Variants in F8 observed in about 807,000 individuals in gnomAD.
The protein encoded by F8 is antihemophilic factor.
Under a neutral mutation model 140.6 loss-of-function variants are expected in F8, and 12 were observed. That is an observed-to-expected ratio of 0.09 (90% CI 0.05 to 0.14). The LOEUF is 0.14. F8 is among the 10% of genes least tolerant of loss of function. F8 has a pLI of 1.00. For synonymous variants in F8, 585 were observed against 614.6 expected (o/e 0.95, Z 0.71); for missense variants, 1,354 against 1,720.7 (o/e 0.79, Z 3.77).
chrX:154,892,541 A>G (rs2072951027), intron 22 of F8, among the ~76,000 whole-genome samples: 1 of 112,493 alleles, frequency 8.9e-6, no homozygotes, highest in African/African-American at 3.2e-5. Flanking sequence ...CTTGGCAAAT[A>G]TGTTATCTCT....
intron 1 of F8, among the ~76,000 whole-genome samples, chrX:155,021,999 C>T (rs781881646): frequency 8.9e-6 from 1 of 111,965 alleles, no homozygotes; most frequent in African/African-American, 3.2e-5. Flanking sequence ...TAAAAACACA[C>T]ATTGCATGTA....
At chrX:154,890,831 A>C (rs1402558765) in intron 22 of F8, among the ~76,000 whole-genome samples, 1 of 112,419 alleles carries the variant, frequency 8.9e-6, no homozygotes, top group Non-Finnish European at 1.9e-5. Context: ...TCCTACATTA[A>C]ATAAGCTATT....
rs2072764652 is a variant in F8 at position 154,870,474 on chromosome X, A to T, written c.6430-7247T>A. ...ATGATTATCTCAATAGATGCAGAAAAGGCCTTCGATAAAATTCAACACCCC... is the reference window on the plus strand; with the variant it reads ...ATGATTATCTCAATAGATGCAGAAATGGCCTTCGATAAAATTCAACACCCC... On this transcript the variant is annotated intron_variant, in intron 22 of 25. Transcript: ENST00000360256. 3.6e-5 allele frequency among the ~76,000 whole-genome samples: 4 copies of T among 112,089 alleles called. No individual in the cohort carries two copies. In the Admixed American group the frequency reaches 3.8e-4, roughly 11 times the overall value.
intron 14 of F8, among the ~76,000 whole-genome samples, chrX:154,911,871 T>G (rs28895719): frequency 0.32 from 35,452 of 111,367 alleles, 4,526 homozygotes; most frequent in African/African-American, 0.48. Context: ...GCATTCATTA[T>G]TTTTTGTCTT....
chrX:154,976,670 C>T (rs782428225), intron 6 of F8, among the ~76,000 whole-genome samples: 5 of 105,622 alleles, frequency 4.7e-5, no homozygotes, highest in South Asian at 8.7e-4. Context: ...TGAGAATATG[C>T]GGTCCAAATG....
At chrX:154,914,423 CT>C (rs1254591497) in intron 14 of F8, among the ~76,000 whole-genome samples, 1 of 112,489 alleles carries the variant, frequency 8.9e-6, no homozygotes, top group Non-Finnish European at 1.9e-5. Context: ...ATGGGTTTGT[CT>C]TTTCTACTGC....
intron 25 of F8, among the ~76,000 whole-genome samples, chrX:154,857,423 C>A (rs921179824): frequency 8.9e-6 from 1 of 112,117 alleles, no homozygotes; most frequent in Non-Finnish European, 1.9e-5. Flanking sequence ...TCTCTCCCAG[C>A]CTGCACTTAT....
intron 10 of F8, among the ~76,000 whole-genome samples, chrX:154,957,881 CAAA>C (rs1398376293): frequency 9.0e-5 from 4 of 44,368 alleles, no homozygotes; most frequent in Admixed American, 2.6e-4. Context: ...ACTCTGTCTC[CAAA>C]AAAAAAAAAA....
At chrX:154,868,077 T>C (rs1404159780) in intron 22 of F8, among the ~76,000 whole-genome samples, 2 of 112,162 alleles carry the variant, frequency 1.8e-5, no homozygotes, top group Non-Finnish European at 3.8e-5. Context: ...ACAGCTGATA[T>C]CATAACCAAA....
chrX:154,959,485 C>T (rs891435980), intron 10 of F8, among the ~76,000 whole-genome samples: 3 of 112,230 alleles, frequency 2.7e-5, no homozygotes, highest in African/African-American at 6.5e-5. Flanking sequence ...ATTTCTTTTC[C>T]GAATAAAAGA....
chrX:154,851,736 C>A (rs782117623), intron 25 of F8, among the ~76,000 whole-genome samples: 1 of 111,276 alleles, frequency 9.0e-6, no homozygotes, highest in Non-Finnish European at 1.9e-5. Flanking sequence ...AAGTCCTTTA[C>A]CCATTTTAAA....
At chrX:154,865,418 T>C (rs1170511195) in intron 22 of F8, among the ~76,000 whole-genome samples, 1 of 110,765 alleles carries the variant, frequency 9.0e-6, no homozygotes, top group Non-Finnish European at 1.9e-5. Flanking sequence ...AAGAGAAACA[T>C]AGACTATTGT....
intron 21 of F8, among the ~76,000 whole-genome samples, chrX:154,897,097 G>T (rs1016715482): frequency 8.0e-5 from 9 of 112,318 alleles, no homozygotes; most frequent in Non-Finnish European, 1.5e-4. Flanking sequence ...TATGGTATCT[G>T]GTATAATACT....
At position 154,904,054 on chromosome X, in the gene F8, G is replaced by T; in HGVS notation, c.5850C>A (p.Gly1950=). 8.3e-7 allele frequency: 1 copy of T among 1,211,425 alleles called. No homozygotes were observed. Among genetic ancestry groups the T allele is most frequent in the Non-Finnish European group, 1.1e-6 (1 of 895,264 alleles). The part of the protein sequence containing the change: ...INGYIMDTLP[G]LVMAQDQRIR... ...TCCTTTGATCCTGAGCCATTACTAA[G>T]CCAGGTAGTGTATCCATTATGTAGC... Residue 1950 remains glycine, a synonymous_variant, in exon 18 of 26, where the codon GGC becomes GGA. Transcript: ENST00000360256.
chrX:154,936,016 AC>A (rs2073222774), intron 13 of F8, among the ~76,000 whole-genome samples: 6 of 109,931 alleles, frequency 5.5e-5, no homozygotes, highest in African/African-American at 2.0e-4. Flanking sequence ...ACACACACAC[AC>A]ACACACAAAA....
chrX:155,003,144 T>A (rs1557285768), intron 1 of F8, among the ~76,000 whole-genome samples: 1 of 111,694 alleles, frequency 9.0e-6, no homozygotes, highest in Non-Finnish European at 1.9e-5. Flanking sequence ...ATGTCATAAT[T>A]ATCAGACCAG....
chrX:154,981,864 A>G (rs1557283621), intron 6 of F8, among the ~76,000 whole-genome samples: 2 of 111,827 alleles, frequency 1.8e-5, no homozygotes, highest in African/African-American at 6.5e-5. Context: ...AAAAAAATTA[A>G]GAAAAAGGTA....
At chrX:155,007,951 T>C (rs1557286195) in intron 1 of F8, among the ~76,000 whole-genome samples, 1 of 111,481 alleles carries the variant, frequency 9.0e-6, no homozygotes, top group Non-Finnish European at 1.9e-5. Flanking sequence ...GACTTCATTG[T>C]GATACCTAAT....
chrX:154,837,841 C>G, intron 25 of F8, 89 bp from the exon 26 acceptor site: 2 of 923,467 alleles, frequency 2.2e-6, no homozygotes, highest in Non-Finnish European at 3.1e-6. Context: ...CTAGTTGTTT[C>G]CAGTAGTCCA....
Sources: gnomAD v4.1 joint callset for allele counts (sites outside exome capture counted in the v4.1 genomes callset) on GRCh38, gnomAD v4.1.1 for gene constraint, MANE v1.5 for transcripts, NCBI Gene and HGNC (gene_info 2026-07-23, HGNC 2026-07-21) for gene names.